ALCAM: variants seen among roughly 807,000 people sequenced by gnomAD.
ALCAM encodes the protein CD166 antigen.
In ALCAM, 30 loss-of-function variants were observed where a neutral mutation model predicts 70.9. That is an observed-to-expected ratio of 0.42 (90% confidence interval 0.32 to 0.57). ALCAM has a LOEUF of 0.57. Ranked by LOEUF, ALCAM falls within the 20% of genes least tolerant of loss-of-function variation. The pLI is 0.11. For synonymous variants in ALCAM, 249 were observed against 242.5 expected (o/e 1.03, Z -0.25); for missense variants, 591 against 695.1 (o/e 0.85, Z 1.68).
intron 12 of ALCAM, among the ~76,000 whole-genome samples, chr3:105,550,946 T>G (rs1436282608): frequency 6.6e-6 from 1 of 151,612 alleles, no homozygotes; most frequent in Non-Finnish European, 1.5e-5. Flanking sequence ...GTCCATAATC[T>G]TCAATTCTAT....
intron 1 of ALCAM, among the ~76,000 whole-genome samples, chr3:105,420,236 CT>C (rs1393870852): frequency 6.6e-6 from 1 of 151,664 alleles, no homozygotes; most frequent in Non-Finnish European, 1.5e-5. Context: ...CTTCCTTTCT[CT>C]CTTTATCCCT....
chr3:105,385,958 C>T (rs1935642007), intron 1 of ALCAM, among the ~76,000 whole-genome samples: 1 of 151,536 alleles, frequency 6.6e-6, no homozygotes, highest in African/African-American at 2.4e-5. Flanking sequence ...AGTTCCATAA[C>T]TGAACCAGTG....
chr3:105,408,785 C>A (rs1438534663), intron 1 of ALCAM, among the ~76,000 whole-genome samples: 1 of 152,000 alleles, frequency 6.6e-6, no homozygotes, highest in Non-Finnish European at 1.5e-5. Context: ...AGGAGAAACT[C>A]TTCACAATCT....
intron 1 of ALCAM, among the ~76,000 whole-genome samples, chr3:105,378,939 A>G (rs895604038): frequency 1.3e-5 from 2 of 151,956 alleles, no homozygotes. Flanking sequence ...TCTCCACGGT[A>G]TAAGAAGACT....
chr3:105,429,505 T>C (rs2107434099), intron 1 of ALCAM, among the ~76,000 whole-genome samples: 1 of 152,096 alleles, frequency 6.6e-6, no homozygotes, highest in East Asian at 1.9e-4. Flanking sequence ...CCATGAAAGC[T>C]TTTCAGCTGA....
chr3:105,523,059 G>C (rs1369468295), intron 2 of ALCAM, among the ~76,000 whole-genome samples: 2 of 147,540 alleles, frequency 1.4e-5, no homozygotes, highest in Non-Finnish European at 3.0e-5. Flanking sequence ...AGAATGGCGT[G>C]AACCCGGGAG....
intron 3 of ALCAM, 100 bp downstream of exon 3, chr3:105,524,608 A>G: frequency 6.5e-7 from 1 of 1,534,468 alleles, no homozygotes; most frequent in Non-Finnish European, 8.8e-7. Flanking sequence ...GTGTCTCTAT[A>G]GCAGGTATCT....
chr3:105,532,317 GT>G (rs1183532492), intron 4 of ALCAM, among the ~76,000 whole-genome samples: 3 of 152,172 alleles, frequency 2.0e-5, no homozygotes, highest in African/African-American at 7.2e-5. Flanking sequence ...TTAATGGATT[GT>G]TTAATAGAAG....
chr3:105,521,791 T>C (rs544559529), intron 2 of ALCAM, among the ~76,000 whole-genome samples: 1 of 152,076 alleles, frequency 6.6e-6, no homozygotes, highest in Non-Finnish European at 1.5e-5. Context: ...GAGTGGGAAA[T>C]GAAAGGAAAG....
At chr3:105,534,947 C>A in intron 6 of ALCAM, 102 bp downstream of exon 6, 1 of 1,175,582 alleles carries the variant, frequency 8.5e-7, no homozygotes, top group South Asian at 1.6e-5. Flanking sequence ...TTGAATTCTG[C>A]TTCCAGTCTG....
At chr3:105,447,029 T>A (rs921239396) in intron 1 of ALCAM, among the ~76,000 whole-genome samples, 15 of 152,078 alleles carry the variant, frequency 9.9e-5, no homozygotes, top group African/African-American at 3.6e-4. Context: ...CAAAAAAAAA[T>A]GATAAATGTG....
intron 3 of ALCAM, chr3:105,525,181 A>G (rs1485294427): frequency 1.0e-6 from 1 of 984,584 alleles, no homozygotes; most frequent in Non-Finnish European, 1.2e-6. Context: ...TATACCCTGA[A>G]TGCTTATGTG....
intron 3 of ALCAM, chr3:105,525,266 G>A (rs566903956): frequency 7.2e-5 from 71 of 984,398 alleles, no homozygotes; most frequent in Non-Finnish European, 8.4e-5. Flanking sequence ...AATAATTATA[G>A]TCACTATGAC....
intron 3 of ALCAM, among the ~76,000 whole-genome samples, chr3:105,530,219 G>A (rs1939804070): frequency 6.6e-6 from 1 of 151,992 alleles, no homozygotes; most frequent in Non-Finnish European, 1.5e-5. Context: ...TATTTCAGAT[G>A]CATTCTTCTC....
intron 1 of ALCAM, among the ~76,000 whole-genome samples, chr3:105,447,349 A>AAATTTCAG (rs1937323834): frequency 6.6e-6 from 1 of 152,184 alleles, no homozygotes; most frequent in Non-Finnish European, 1.5e-5. Context: ...GTGCAGGAGT[A>AAATTTCAG]AATTTCAGAA....
Position 105,545,311 on chromosome 3 carries a change from G to A in ALCAM, c.1080G>A (p.Arg360=). Residue 360 remains arginine (R), a synonymous_variant, in exon 9 of 16, where the codon AGG becomes AGA. Transcript: ENST00000306107. The part of the protein sequence containing the change: ...LPVSCTISAS[R]NATVVWMKDN... The stretch of plus-strand genomic sequence containing the variant: ...TGTCATGCACAATATCTGCTAGCAG[G>A]AATGCAACTGTGGTATGGATGAAAG... 6.2e-7 allele frequency: 1 copy of A among 1,608,022 alleles called. No homozygotes were observed. Among genetic ancestry groups the A allele is most frequent in the Non-Finnish European group, 8.5e-7 (1 of 1,175,494 alleles).
At chr3:105,556,931 C>T (rs1308531009) in intron 14 of ALCAM, among the ~76,000 whole-genome samples, 2 of 151,826 alleles carry the variant, frequency 1.3e-5, no homozygotes, top group Non-Finnish European at 2.9e-5. Flanking sequence ...TTACTGAAAT[C>T]CTCAACAATT....
chr3:105,431,137 C>T lies in ALCAM; in HGVS notation c.73+63656C>T, dbSNP rs866244225. ...ATTGCAAATCCCCACTTATATCCTT[C>T]GAAACAAAAAAAAAAAAAAGAGGAG... is the stretch of plus-strand genomic sequence containing the variant. On this transcript the variant is annotated intron_variant, in intron 1 of 15. Transcript: ENST00000306107. Among the ~76,000 whole-genome samples, 6 of 139,108 alleles carry T rather than the reference C, an allele frequency of 4.3e-5. 1 individual carries two copies. The highest frequency in any genetic ancestry group is 1.4e-4 in the African/African-American group (5 of 36,926). 91.3% of individuals were successfully genotyped at this position (139,108 alleles called of 152,430 possible). A position where few individuals can be genotyped will look rare whatever the true frequency, so the allele number is the denominator to read the frequency against.
intron 1 of ALCAM, among the ~76,000 whole-genome samples, chr3:105,464,878 G>A (rs774002924): frequency 2.6e-5 from 4 of 151,228 alleles, no homozygotes; most frequent in African/African-American, 7.3e-5. Context: ...TGCATTCAAC[G>A]GTGTAACCAA....
Sources: gnomAD v4.1 joint callset for allele counts (sites outside exome capture counted in the v4.1 genomes callset) on GRCh38, gnomAD v4.1.1 for gene constraint, MANE v1.5 for transcripts, NCBI Gene and HGNC (gene_info 2026-07-23, HGNC 2026-07-21) for gene names.